Variants in AVL9 observed in about 807,000 individuals in gnomAD.
AVL9 encodes AVL9 cell migration associated.
Under a neutral mutation model 79.2 loss-of-function variants are expected in AVL9, and 49 were observed. The observed-to-expected ratio is 0.62, with a 90% CI of 0.49 to 0.79. The LOEUF is 0.79. Among genes scored for constraint, AVL9 ranks in the 30% least tolerant of loss-of-function variants. The probability of loss-of-function intolerance (pLI) is 0.00; values close to 1 mark genes in which losing one functional copy is unlikely to be tolerated. For synonymous variants in AVL9, 299 were observed against 280.6 expected, an observed-to-expected ratio of 1.07 and a Z score of -0.65; for missense variants, 682 against 776.8, an observed-to-expected ratio of 0.88 and a Z score of 1.45.
At chr7:32,545,364 CTTTT>C (rs10610945) in intron 3 of AVL9, among the ~76,000 whole-genome samples, 13 of 73,344 alleles carry the variant, frequency 1.8e-4, no homozygotes, top group East Asian at 8.6e-4. Context: ...TCTAAGATTT[CTTTT>C]TTTTTTTTTT....
chr7:32,581,077 T>TTA (rs33917530), intron 15 of AVL9, 187 bp downstream of exon 15: 482,822 of 580,480 alleles, frequency 0.83, 201,786 homozygotes, highest in Admixed American at 0.88. Context: ...TCAAACTCCA[T>TTA]TATCTAATAG....
In AVL9 at chr7:32,583,901, G is replaced by A; in HGVS notation, c.1941G>A (p.Lys647=). 3.1e-6 allele frequency: 5 copies of A among 1,612,718 alleles called. No homozygotes were observed. Among genetic ancestry groups the A allele is most frequent in the Non-Finnish European group, 4.2e-6 (5 of 1,178,738 alleles). Residue 647 remains lysine, a synonymous_variant, in exon 16 of 16, where the codon AAG becomes AAA. Transcript: ENST00000318709. ...GTCTCACTGAGCCACCAGATGAGAA[G>A]CCTTGAGCAAGGCGTCAGAGGCTGC... The part of the protein sequence containing the change: ...SQSLTEPPDE[K]P
chr7:32,511,732 C>CAGCT (rs1787684378), intron 1 of AVL9, among the ~76,000 whole-genome samples: 1 of 151,964 alleles, frequency 6.6e-6, no homozygotes, highest in African/African-American at 2.4e-5. Flanking sequence ...GAAAACTGAA[C>CAGCT]AGCTTGGACG....
chr7:32,517,200 T>C (rs545782380), intron 1 of AVL9, among the ~76,000 whole-genome samples: 5 of 152,290 alleles, frequency 3.3e-5, no homozygotes, highest in Admixed American at 2.0e-4. Context: ...TTGTTATGTG[T>C]TTTGGCCACA....
At chr7:32,580,672 TTTCTC>T in intron 14 of AVL9, 125 bp from the exon 15 acceptor site, 1 of 626,576 alleles carries the variant, frequency 1.6e-6, no homozygotes, top group Non-Finnish European at 2.8e-6. Flanking sequence ...TTTAGCTTCT[TTTCTC>T]AGTAATTCTA....
intron 10 of AVL9, among the ~76,000 whole-genome samples, chr7:32,565,776 G>A (rs1324266144): frequency 2.0e-5 from 3 of 152,256 alleles, no homozygotes. Context: ...GGGAGGCCGA[G>A]GCGGGCACAT....
In AVL9 at chr7:32,559,291, G is replaced by A; in HGVS notation, c.1042G>A (p.Glu348Lys). 6.2e-7 allele frequency: 1 copy of A among 1,614,140 alleles called. No homozygotes were observed. ...VLEDPNLKER[E>K]QLGSDQTNLF... Reference sequence around the variant, plus strand: ...AGAGGACCCCAACTTGAAAGAAAGGGAACAGCTGGGATCAGACCAGACAAA... The same window carrying A: ...AGAGGACCCCAACTTGAAAGAAAGGAAACAGCTGGGATCAGACCAGACAAA... Residue 348 changes from glutamate (E) to lysine (K), a missense_variant, in exon 10 of 16, where the codon GAA (glutamate) becomes AAA (lysine). By Grantham distance (56) the Glu-to-Lys change is moderately conservative. Transcript: ENST00000318709.
At chr7:32,556,521 A>ATAAATGAATGAG (rs1324940216) in intron 8 of AVL9, among the ~76,000 whole-genome samples, 4 of 151,844 alleles carry the variant, frequency 2.6e-5, no homozygotes, top group Non-Finnish European at 4.4e-5. Context: ...CTCAAAGTAA[A>ATAAATGAATGAG]TGAATGAATG....
In AVL9 at chr7:32,558,582, G is replaced by A. The variant is rs752903219; in HGVS notation, c.633G>A (p.Val211=). 1 of 1,612,216 alleles carries A rather than the reference G, an allele frequency of 6.2e-7. No homozygotes were observed. The highest frequency in any genetic ancestry group is 1.3e-5 in the African/African-American group (1 of 74,890). The change falls in exon 9 of 16, where the codon GTG becomes GTA. Residue 211 remains valine, a synonymous_variant. Coordinates refer to ENST00000318709, the MANE Select transcript of AVL9 (RefSeq NM_015060.3). ...EKKVLFYISP[V]NKLVGALMTV... Reference sequence around the variant, plus strand: ...AGGTTCTTTTTTATATTTCTCCAGTGAATAAATTGGTGGGTGCACTGATGA... The same window carrying A: ...AGGTTCTTTTTTATATTTCTCCAGTAAATAAATTGGTGGGTGCACTGATGA...
chr7:32,539,880 A>G (rs1789095106), intron 1 of AVL9, among the ~76,000 whole-genome samples: 1 of 152,164 alleles, frequency 6.6e-6, no homozygotes, highest in South Asian at 2.1e-4. Context: ...TTTAAAGCCA[A>G]TGGAATAGCA....
chr7:32,542,570 AAAAG>A (rs1198600104), intron 1 of AVL9, among the ~76,000 whole-genome samples: 1 of 152,118 alleles, frequency 6.6e-6, no homozygotes, highest in Non-Finnish European at 1.5e-5. Context: ...AAAAAAGAAA[AAAAG>A]AAGAAACAAT....
At chr7:32,577,996 G>A (rs1791176001) in intron 13 of AVL9, among the ~76,000 whole-genome samples, 1 of 152,148 alleles carries the variant, frequency 6.6e-6, no homozygotes, top group East Asian at 1.9e-4. Context: ...AGGGTGATTG[G>A]ACTGTGTACC....
intron 1 of AVL9, among the ~76,000 whole-genome samples, chr7:32,540,088 A>G (rs567320139): frequency 6.6e-6 from 1 of 152,326 alleles, no homozygotes; most frequent in Admixed American, 6.5e-5. Flanking sequence ...CGCCTACCAC[A>G]TAGGATATTG....
At chr7:32,524,641 G>T (rs554916026) in intron 1 of AVL9, among the ~76,000 whole-genome samples, 62 of 149,728 alleles carry the variant, frequency 4.1e-4, no homozygotes, top group Middle Eastern at 3.4e-3. Context: ...ATGTAAATCT[G>T]CTCTTTGAGA....
In AVL9 at chr7:32,588,328, CA is replaced by C. The variant is rs1203302641; in HGVS notation, c.*4423del. 6.6e-6 allele frequency: 1 copy of C among 152,072 alleles called. No homozygotes were observed. Among genetic ancestry groups the C allele is most frequent in the Non-Finnish European group, 1.5e-5 (1 of 68,012 alleles). 9.4% of individuals were successfully genotyped at this position (152,072 alleles called of 1,614,324 possible). ...TATTTTGTAGCTGGAAGAATAAGAT[CA>C]AGGCTTACATGTTTCAGGCCACTTG... On this transcript the variant is annotated 3_prime_UTR_variant, in exon 16 of 16. Transcript: ENST00000318709.
chr7:32,544,234 A>G (rs1789361195), intron 2 of AVL9, among the ~76,000 whole-genome samples: 1 of 152,240 alleles, frequency 6.6e-6, no homozygotes, highest in Non-Finnish European at 1.5e-5. Flanking sequence ...GAATGAGATC[A>G]TTCCCCAGTG....
intron 10 of AVL9, among the ~76,000 whole-genome samples, chr7:32,564,725 A>G (rs762405144): frequency 2.0e-4 from 30 of 152,186 alleles, no homozygotes; most frequent in Non-Finnish European, 3.5e-4. Context: ...CCTTCTCAGG[A>G]AAGCCTGAGA....
At position 32,500,260 on chromosome 7, in the gene AVL9, C is replaced by G. The variant is rs181980006; in HGVS notation, c.93+4458C>G. On this transcript the variant is annotated intron_variant, in intron 1 of 15. Transcript: ENST00000318709. ...ACATCCTCTCCAGCATCTGTTGTTTCCTGACATTTTAATGATCACCATTCT... is the reference window on the plus strand; with the variant it reads ...ACATCCTCTCCAGCATCTGTTGTTTGCTGACATTTTAATGATCACCATTCT... Among the ~76,000 whole-genome samples, 92 of 152,296 alleles carry G rather than the reference C, an allele frequency of 6.0e-4. 1 individual carries two copies. The highest frequency in any genetic ancestry group is 2.0e-3 in the African/African-American group (84 of 41,568).
chr7:32,549,913 C>G (rs925916274), intron 4 of AVL9, among the ~76,000 whole-genome samples: 1 of 33,192 alleles, frequency 3.0e-5, no homozygotes, highest in East Asian at 9.7e-4. Flanking sequence ...AGGGAGACTC[C>G]GTCTCAAAAA....
Sources: gnomAD v4.1 joint callset for allele counts (sites outside exome capture counted in the v4.1 genomes callset) on GRCh38, gnomAD v4.1.1 for gene constraint, MANE v1.5 for transcripts, NCBI Gene and HGNC (gene_info 2026-07-23, HGNC 2026-07-21) for gene names.